DOP1A: variants seen among roughly 807,000 people sequenced by gnomAD.
DOP1A encodes protein DOP1A.
DOP1A carries 90 observed loss-of-function variants against 267.6 expected under a neutral mutation model. The ratio of observed to expected loss-of-function variants is 0.34; its 90% CI spans 0.28 to 0.40. The LOEUF (loss-of-function observed/expected upper bound fraction) is 0.40. Ranked by LOEUF, DOP1A falls within the 10% of genes least tolerant of loss-of-function variation. DOP1A has a pLI of 1.00. For missense variants in DOP1A, 2,437 were observed against 2,900.4 expected (o/e 0.84, Z 3.67); for synonymous variants, 932 against 999.1 (o/e 0.93, Z 1.27).
At chr6:83,169,515 A>T, downstream of DOP1A, 1 of 610,762 alleles carries the variant, frequency 1.6e-6, no homozygotes, top group Non-Finnish European at 2.8e-6. Flanking sequence ...CGGAAAACAG[A>T]CCAAATTCTT....
chr6:83,084,191 T>C (rs1297232452), intron 1 of DOP1A, among the ~76,000 whole-genome samples: 1 of 152,216 alleles, frequency 6.6e-6, no homozygotes, highest in Non-Finnish European at 1.5e-5. Context: ...CCCGTAAGGT[T>C]TTAATACTGT....
chr6:83,145,679 A>T, intron 25 of DOP1A, 21 bp downstream of exon 25: 1 of 1,604,724 alleles, frequency 6.2e-7, no homozygotes, highest in Non-Finnish European at 8.5e-7. Context: ...ACTCTTCTTC[A>T]CATGTGTTTA....
At chr6:83,116,404 T>A (rs1293805544) in intron 7 of DOP1A, among the ~76,000 whole-genome samples, 2 of 152,220 alleles carry the variant, frequency 1.3e-5, no homozygotes, top group Non-Finnish European at 2.9e-5. Context: ...TATTGTACAA[T>A]ACCAATCATG....
chr6:83,069,866 T>C (rs186590368), intron 1 of DOP1A, among the ~76,000 whole-genome samples: 3 of 152,312 alleles, frequency 2.0e-5, no homozygotes, highest in Admixed American at 6.5e-5. Flanking sequence ...TTTCTCCTTA[T>C]AGTCATGCAT....
At chr6:83,110,371 A>G (rs1582970967) in intron 6 of DOP1A, 57 bp downstream of exon 6, 1 of 1,527,686 alleles carries the variant, frequency 6.5e-7, no homozygotes. Flanking sequence ...GTCAGGCACT[A>G]TTCCAGACAT....
At chr6:83,082,831 C>T (rs1227803150) in intron 1 of DOP1A, among the ~76,000 whole-genome samples, 3 of 149,160 alleles carry the variant, frequency 2.0e-5, no homozygotes, top group Non-Finnish European at 3.0e-5. Context: ...TTTTTGAGAC[C>T]GAGTTTTGCT....
At chr6:83,140,510 T>TA in intron 23 of DOP1A, 107 bp downstream of exon 23, 1 of 918,320 alleles carries the variant, frequency 1.1e-6, no homozygotes, top group Non-Finnish European at 1.6e-6. Flanking sequence ...AGGACTCTGC[T>TA]AATTATCAAA....
At chr6:83,171,160 T>G (rs184307393), downstream of DOP1A, 3 of 152,246 alleles carry the variant, frequency 2.0e-5, no homozygotes, top group East Asian at 5.8e-4. Flanking sequence ...GGCAACATAG[T>G]GAGATCTCGT....
Position 83,135,729 on chromosome 6 carries a change from T to G in DOP1A, c.2981T>G (p.Leu994Trp). ...VLQRHDIARV[L>W]EPLLLLLLHP... ...CAAAGACATGATATTGCACGAGTTT[T>G]GGAACCATTGCTATTGCTCCTGCTT... The change falls in exon 20 of 39, where the codon TTG (leucine) becomes TGG (tryptophan). Residue 994 changes from leucine to tryptophan, a missense_variant. By Grantham distance (61) the Leu-to-Trp change is moderately conservative (BLOSUM62 -2). Coordinates refer to ENST00000349129, the MANE Select transcript of DOP1A (RefSeq NM_015018.4). 1 of 1,613,706 alleles carries G rather than the reference T, an allele frequency of 6.2e-7. No individual in the cohort carries two copies. The highest frequency in any genetic ancestry group is 1.1e-5 in the South Asian group (1 of 91,066).
At chr6:83,146,559 C>A (rs1780681998) in intron 25 of DOP1A, among the ~76,000 whole-genome samples, 1 of 152,112 alleles carries the variant, frequency 6.6e-6, no homozygotes, top group African/African-American at 2.4e-5. Context: ...TAGAGCCAAT[C>A]CACTGTCCTG....
intron 25 of DOP1A, among the ~76,000 whole-genome samples, chr6:83,146,673 T>C (rs1780696523): frequency 6.6e-6 from 1 of 152,202 alleles, no homozygotes; most frequent in Non-Finnish European, 1.5e-5. Flanking sequence ...AAGCACAAAT[T>C]GATAAACGTC....
chr6:83,071,218 C>CT (rs879658495), intron 1 of DOP1A, among the ~76,000 whole-genome samples: 1,661 of 146,516 alleles, frequency 0.011, 22 homozygotes, highest in African/African-American at 0.028. Flanking sequence ...AGGAAGTAAC[C>CT]TTTTTTTTTT....
chr6:83,086,608 T>G (rs1769293633), intron 1 of DOP1A, among the ~76,000 whole-genome samples: 1 of 152,066 alleles, frequency 6.6e-6, no homozygotes, highest in African/African-American at 2.4e-5. Context: ...TAACAAACCT[T>G]GAGAGGGAAG....
intron 21 of DOP1A, among the ~76,000 whole-genome samples, 159 bp from the exon 22 acceptor site, chr6:83,139,841 A>G (rs1287270111): frequency 6.6e-6 from 1 of 152,100 alleles, no homozygotes; most frequent in Non-Finnish European, 1.5e-5. Context: ...TTTATAGATT[A>G]GGAAATAAAA....
intron 35 of DOP1A, among the ~76,000 whole-genome samples, chr6:83,157,772 T>G (rs944124766): frequency 6.6e-6 from 1 of 152,146 alleles, no homozygotes; most frequent in Non-Finnish European, 1.5e-5. Context: ...CAGAGAGACT[T>G]TCACAAAGAT....
intron 7 of DOP1A, 58 bp from the exon 8 acceptor site, chr6:83,118,830 G>A: frequency 6.8e-7 from 1 of 1,466,926 alleles, no homozygotes; most frequent in Non-Finnish European, 9.3e-7. Flanking sequence ...TTTTAAAGAG[G>A]AAAAAAATAA....
At chr6:83,086,267 G>A (rs1479114874) in intron 1 of DOP1A, among the ~76,000 whole-genome samples, 2 of 152,146 alleles carry the variant, frequency 1.3e-5, no homozygotes, top group African/African-American at 4.8e-5. Flanking sequence ...ATAATATGCT[G>A]TATTCTTATA....
At chr6:83,092,237 A>G (rs1386409289) in intron 1 of DOP1A, among the ~76,000 whole-genome samples, 2 of 56,102 alleles carry the variant, frequency 3.6e-5, no homozygotes, top group Non-Finnish European at 7.1e-5. Context: ...TATCATTTTT[A>G]ATTTATTACC....
chr6:83,072,454 T>C (rs901501047), intron 1 of DOP1A, among the ~76,000 whole-genome samples: 1 of 152,282 alleles, frequency 6.6e-6, no homozygotes, highest in South Asian at 2.1e-4. Context: ...AGATTCCTGT[T>C]AATATAAGGT....
Sources: allele counts gnomAD v4.1 joint callset (sites outside exome capture counted in the v4.1 genomes callset), GRCh38; gene constraint gnomAD v4.1.1; transcripts MANE v1.5; gene names NCBI Gene and HGNC (gene_info 2026-07-23, HGNC 2026-07-21).